SSH1: variants seen among roughly 807,000 people sequenced by gnomAD.
SSH1 encodes protein phosphatase Slingshot homolog 1.
In SSH1, 43 loss-of-function variants were observed where a neutral mutation model predicts 79.7. The observed-to-expected ratio is 0.54, with a 90% CI of 0.42 to 0.70. The LOEUF is 0.70. SSH1 is among the 30% of genes least tolerant of loss of function. SSH1 has a pLI of 0.00. For synonymous variants in SSH1, 599 were observed against 538.3 expected, an observed-to-expected ratio of 1.11 and a Z score of -1.56; for missense variants, 1,206 against 1,358.8, an observed-to-expected ratio of 0.89 and a Z score of 1.77.
intron 3 of SSH1, among the ~76,000 whole-genome samples, chr12:108,822,362 G>C (rs963224409): frequency 2.0e-5 from 3 of 152,128 alleles, no homozygotes; most frequent in African/African-American, 7.2e-5. Context: ...TGGAACTCCT[G>C]GGTTCAAGCG....
In SSH1 at chr12:108,787,828, T is replaced by C. The variant is rs1440135387; in HGVS notation, c.*160A>G. On this transcript the variant is annotated 3_prime_UTR_variant, in exon 15 of 15. Transcript: ENST00000326495. Reference sequence around the variant, plus strand: ...CCTTCTTGTGCTGCATGTTGGTTAGTTTCTTCTCCTCCTCTCTATGGCAAG... The same window carrying C: ...CCTTCTTGTGCTGCATGTTGGTTAGCTTCTTCTCCTCCTCTCTATGGCAAG... 2 of 944,420 alleles carry C rather than the reference T, an allele frequency of 2.1e-6. No individual in the cohort carries two copies. The highest frequency in any genetic ancestry group is 1.6e-5 in the South Asian group (1 of 62,244). The allele number at this position is 944,420 out of a possible 1,614,324, so 58.5% of individuals were successfully genotyped here. A position where few individuals can be genotyped will look rare whatever the true frequency, so the allele number is the denominator to read the frequency against.
At chr12:108,837,596 T>C (rs2038670146) in intron 2 of SSH1, among the ~76,000 whole-genome samples, 1 of 152,200 alleles carries the variant, frequency 6.6e-6, no homozygotes, top group Non-Finnish European at 1.5e-5. Flanking sequence ...AAGCTGGAAA[T>C]TATCTCAAAA....
In SSH1 at chr12:108,857,192, C is replaced by T. The variant is rs1353833961; in HGVS notation, c.69+236G>A. Among the ~76,000 whole-genome samples the T allele has an allele frequency of 6.6e-6, 1 of 152,132 alleles. No individual in the cohort carries two copies. The highest frequency in any genetic ancestry group is 1.5e-5 in the Non-Finnish European group (1 of 68,000). On this transcript the variant is annotated intron_variant, in intron 1 of 14. Coordinates refer to ENST00000326495, the MANE Select transcript of SSH1 (RefSeq NM_018984.4). This position sits in a 1 kb window ranked among gnomAD's most constrained non-coding sequence, Gnocchi z 4.7. ...TGCATACACAGTCCCTGCAAAGTCG[C>T]CCCCCGATAGGGGTCACACCGCACA...
intron 2 of SSH1, among the ~76,000 whole-genome samples, chr12:108,840,895 T>C (rs979921329): frequency 2.0e-5 from 3 of 152,178 alleles, no homozygotes; most frequent in East Asian, 3.9e-4. Flanking sequence ...GGTCAGACCA[T>C]AGCCCTGACC....
Position 108,800,857 on chromosome 12 carries a change from G to A in SSH1, c.1071C>T (p.Asn357=), listed in dbSNP as rs370802824. 2.5e-6 allele frequency: 4 copies of A among 1,613,788 alleles called. No individual in the cohort carries two copies. The African/African-American group carries it at 5.3e-5, about 22-fold the overall frequency. The part of the protein sequence containing the change: ...NFFPGLFAYH[N]IRVYDEETTD... ...TGGTCTCTTCATCGTAGACTCGGAT[G>A]TTATGATATGCAAATAAGCCAGGAA... Residue 357 remains asparagine (N), a synonymous_variant, in exon 12 of 15, where the codon AAC becomes AAT. Transcript: ENST00000326495.
chr12:108,791,615 C>T (rs1196177056), intron 14 of SSH1, among the ~76,000 whole-genome samples: 1 of 152,022 alleles, frequency 6.6e-6, no homozygotes, highest in Non-Finnish European at 1.5e-5. Context: ...AAAGATTAAC[C>T]GGGTGTGGTA....
intron 10 of SSH1, among the ~76,000 whole-genome samples, chr12:108,803,847 G>C: frequency 6.6e-6 from 1 of 152,194 alleles, no homozygotes; most frequent in South Asian, 2.1e-4. Flanking sequence ...AATCTATATA[G>C]ATTTGTATAC....
At chr12:108,819,638 G>C (rs1593085646) in intron 3 of SSH1, among the ~76,000 whole-genome samples, 2 of 152,238 alleles carry the variant, frequency 1.3e-5, no homozygotes, top group East Asian at 3.9e-4. Context: ...AGACCAGTCT[G>C]GGCAACATGG....
chr12:108,821,878 A>T lies in SSH1; in HGVS notation c.214+1380T>A, dbSNP rs117375622. 4.5e-3 allele frequency among the ~76,000 whole-genome samples: 688 copies of T among 152,292 alleles called. 6 individuals are homozygous for T. Among genetic ancestry groups the T allele is most frequent in the Non-Finnish European group, 7.4e-3 (504 of 68,022 alleles). ...GAAGCTGAATGACTTGAGGTTAAAC[A>T]AACAAAATGTTCACAAGAAAACTGG... On this transcript the variant is annotated intron_variant, in intron 3 of 14. Transcript: ENST00000326495.
chr12:108,815,078 G>T (rs2137139271), intron 5 of SSH1, among the ~76,000 whole-genome samples: 1 of 152,330 alleles, frequency 6.6e-6, no homozygotes, highest in South Asian at 2.1e-4. Flanking sequence ...GATAAACCTA[G>T]GAGTGAATGA....
At chr12:108,826,741 C>T (rs1381824706) in intron 2 of SSH1, among the ~76,000 whole-genome samples, 1 of 152,128 alleles carries the variant, frequency 6.6e-6, no homozygotes, top group Non-Finnish European at 1.5e-5. Context: ...CACAGGCTCC[C>T]GATTCATCAG....
chr12:108,857,538 A>G lies in SSH1; in HGVS notation c.-42T>C. 1 of 1,046,134 alleles carries G rather than the reference A, an allele frequency of 9.6e-7. No individual in the cohort carries two copies. The highest frequency in any genetic ancestry group is 1.2e-6 in the Non-Finnish European group (1 of 861,062). 64.8% of individuals were successfully genotyped at this position (1,046,134 alleles called of 1,614,324 possible). ...GAGGGCGCCACAGACGTCTCGAGCT[A>G]GAGCCGCCACCGCCACCGCCGCCCG... is the stretch of plus-strand genomic sequence containing the variant. On this transcript the variant is annotated 5_prime_UTR_variant, in exon 1 of 15. Coordinates refer to ENST00000326495, the MANE Select transcript of SSH1 (RefSeq NM_018984.4). This position sits in a 1 kb window ranked among gnomAD's most constrained non-coding sequence, Gnocchi z 4.7.
At position 108,852,734 on chromosome 12, in the gene SSH1, G is replaced by A. The variant is rs549729021; in HGVS notation, c.70-56C>T. On this transcript the variant is annotated intron_variant, in intron 1 of 14. Transcript: ENST00000326495. ...CAGGCACCACTGTCAACACGCCTCGGGCGGCAGTCTCACATTTTCTACCCC... is the reference window on the plus strand; with the variant it reads ...CAGGCACCACTGTCAACACGCCTCGAGCGGCAGTCTCACATTTTCTACCCC... The A allele has an allele frequency of 5.6e-5, 91 of 1,612,564 alleles. No individual in the cohort carries two copies. In the East Asian group the frequency reaches 1.8e-3, roughly 32 times the overall value.
chr12:108,849,898 A>G (rs1427814433), intron 2 of SSH1, among the ~76,000 whole-genome samples: 2 of 15,666 alleles, frequency 1.3e-4, no homozygotes, highest in Admixed American at 1.7e-3. Context: ...GAGAGCCCAG[A>G]AGGGAGCTGG....
At chr12:108,802,295 A>G in intron 11 of SSH1, 27 bp downstream of exon 11, 1 of 1,611,048 alleles carries the variant, frequency 6.2e-7, no homozygotes, top group Non-Finnish European at 8.5e-7. Flanking sequence ...CTGGAAGGAC[A>G]GGGAAAGACA....
rs1455408090 is a variant in SSH1 at position 108,809,675 on chromosome 12, C to T, written c.536+18G>A. The T allele has an allele frequency of 6.2e-7, 1 of 1,609,632 alleles. No homozygotes were observed. The highest frequency in any genetic ancestry group is 8.5e-7 in the Non-Finnish European group (1 of 1,176,200). On this transcript the variant is annotated intron_variant, in intron 7 of 14. Coordinates refer to ENST00000326495, the MANE Select transcript of SSH1 (RefSeq NM_018984.4). ...AAAATATTTCTAGGGAGTTAAAAGT[C>T]CCTAAAACCACACTTACCACATGGC...
intron 14 of SSH1, chr12:108,791,873 G>T: frequency 8.5e-7 from 1 of 1,176,574 alleles, no homozygotes; most frequent in Non-Finnish European, 1.1e-6. Context: ...GGGGAAGTGG[G>T]TGGTAGGGGT....
At chr12:108,810,328 C>G (rs549818313) in intron 6 of SSH1, among the ~76,000 whole-genome samples, 1 of 151,872 alleles carries the variant, frequency 6.6e-6, no homozygotes, top group African/African-American at 2.4e-5. Context: ...TTGAGACCAG[C>G]CTGGCCAACA....
At chr12:108,792,072 G>A (rs1216571935) in intron 14 of SSH1, 2 of 1,453,924 alleles carry the variant, frequency 1.4e-6, no homozygotes, top group Non-Finnish European at 1.8e-6. Context: ...TGCTATATAA[G>A]GTATGCACTA....
Sources: allele counts gnomAD v4.1 joint callset (sites outside exome capture counted in the v4.1 genomes callset), GRCh38; gene constraint gnomAD v4.1.1; non-coding constraint Gnocchi (gnomAD v3.1); transcripts MANE v1.5; gene names NCBI Gene and HGNC (gene_info 2026-07-23, HGNC 2026-07-21).